GNAQ: variants seen among roughly 807,000 people sequenced by gnomAD.
GNAQ encodes guanine nucleotide-binding protein G(q) subunit alpha.
GNAQ carries 8 observed loss-of-function variants against 43.9 expected under a neutral mutation model. The ratio of observed to expected loss-of-function variants is 0.18; its 90% CI spans 0.11 to 0.33. GNAQ has a LOEUF of 0.33. GNAQ is among the 10% of genes least tolerant of loss of function. GNAQ has a pLI of 1.00. For missense variants in GNAQ, 158 were observed against 450.8 expected (o/e 0.35, Z 5.88); for synonymous variants, 155 against 170.7 (o/e 0.91, Z 0.71).
At chr9:77,966,686 G>A (rs1416569593) in intron 1 of GNAQ, among the ~76,000 whole-genome samples, 3 of 152,130 alleles carry the variant, frequency 2.0e-5, no homozygotes, top group South Asian at 4.1e-4. Flanking sequence ...TCAATGCTAA[G>A]ATACTCATGA....
intron 2 of GNAQ, among the ~76,000 whole-genome samples, chr9:77,908,098 T>C (rs11145614): frequency 0.36 from 55,456 of 152,046 alleles, 11,941 homozygotes; most frequent in Non-Finnish European, 0.47. Context: ...TTTTGGAGCA[T>C]ATTAAATGAA....
Position 77,721,143 on chromosome 9 carries a change from C to T in GNAQ, c.*180G>A, listed in dbSNP as rs1458486946. 4.0e-6 allele frequency: 2 copies of T among 505,310 alleles called. No homozygotes were observed. Among genetic ancestry groups the T allele is most frequent in the Non-Finnish European group, 6.9e-6 (2 of 287,892 alleles). The allele number at this position is 505,310 out of a possible 1,614,324, so 31.3% of individuals were successfully genotyped here. On this transcript the variant is annotated 3_prime_UTR_variant, in exon 7 of 7. Coordinates refer to ENST00000286548, the MANE Select transcript of GNAQ (RefSeq NM_002072.5). ...TGTACTTCAGCATCCTCTGTTTTTC[C>T]TCTGAATAGTTTAAATAAAATCATA...
chr9:77,728,244 C>T (rs1211106747), intron 6 of GNAQ, among the ~76,000 whole-genome samples: 7 of 152,200 alleles, frequency 4.6e-5, no homozygotes, highest in African/African-American at 4.8e-5. Context: ...CCGCCTGCCT[C>T]GGCCTCCCAA....
At chr9:77,816,793 CTA>C in intron 2 of GNAQ, among the ~76,000 whole-genome samples, 1 of 152,254 alleles carries the variant, frequency 6.6e-6, no homozygotes, top group South Asian at 2.1e-4. Context: ...CATGGCCAAA[CTA>C]TTCATTTCAC....
intron 2 of GNAQ, among the ~76,000 whole-genome samples, chr9:77,849,990 G>A (rs1026035975): frequency 5.3e-5 from 8 of 152,118 alleles, no homozygotes; most frequent in Non-Finnish European, 8.8e-5. Context: ...CTAAAACTAC[G>A]TTCTTCTGTG....
At chr9:77,931,152 T>C (rs992338779) in intron 1 of GNAQ, among the ~76,000 whole-genome samples, 1 of 148,178 alleles carries the variant, frequency 6.7e-6, no homozygotes, top group African/African-American at 2.5e-5. Flanking sequence ...AGAATGAATG[T>C]CATTGAGATG....
chr9:77,985,261 T>C (rs998633228), intron 1 of GNAQ, among the ~76,000 whole-genome samples: 1 of 152,120 alleles, frequency 6.6e-6, no homozygotes, highest in African/African-American at 2.4e-5. Flanking sequence ...TGCAGTGAGC[T>C]GAGATCTCGC....
At chr9:77,798,675 C>T (rs373391444) in intron 3 of GNAQ, among the ~76,000 whole-genome samples, 2 of 152,106 alleles carry the variant, frequency 1.3e-5, no homozygotes, top group Non-Finnish European at 2.9e-5. Context: ...ATAGTCCTCT[C>T]CTATAGTTTA....
At chr9:77,883,414 G>A (rs1313784297) in intron 2 of GNAQ, among the ~76,000 whole-genome samples, 1 of 151,694 alleles carries the variant, frequency 6.6e-6, no homozygotes, top group African/African-American at 2.4e-5. Context: ...TTTCTAGGTA[G>A]GCTGAGGAAC....
At chr9:77,931,795 C>A (rs913119814) in intron 1 of GNAQ, among the ~76,000 whole-genome samples, 1 of 152,172 alleles carries the variant, frequency 6.6e-6, no homozygotes, top group Non-Finnish European at 1.5e-5. Flanking sequence ...TCTGCAAATA[C>A]CACCACCTAG....
At chr9:78,020,771 T>C (rs1038442755) in intron 1 of GNAQ, among the ~76,000 whole-genome samples, 2 of 152,152 alleles carry the variant, frequency 1.3e-5, no homozygotes, top group Non-Finnish European at 2.9e-5. Context: ...GGACTCCCTA[T>C]TACTCTACTT....
intron 2 of GNAQ, among the ~76,000 whole-genome samples, chr9:77,836,453 T>C (rs986763627): frequency 1.3e-5 from 2 of 152,356 alleles, no homozygotes; most frequent in African/African-American, 4.8e-5. Flanking sequence ...CTTATTCGGT[T>C]TGAAATAATC....
intron 2 of GNAQ, among the ~76,000 whole-genome samples, chr9:77,836,132 G>A (rs1191589153): frequency 6.6e-6 from 1 of 152,064 alleles, no homozygotes; most frequent in South Asian, 2.1e-4. Flanking sequence ...GACATGGACT[G>A]GATGGAAGTC....
intron 1 of GNAQ, among the ~76,000 whole-genome samples, chr9:77,944,025 T>C (rs1829352288): frequency 6.6e-6 from 1 of 151,738 alleles, no homozygotes; most frequent in African/African-American, 2.4e-5. Context: ...AGAATACTGC[T>C]TTAGAAGAAC....
At chr9:77,864,091 C>T (rs1187091370) in intron 2 of GNAQ, among the ~76,000 whole-genome samples, 1 of 151,620 alleles carries the variant, frequency 6.6e-6, no homozygotes, top group African/African-American at 2.4e-5. Flanking sequence ...GCTGCTTCTG[C>T]TCAAGGCAGA....
chr9:77,898,157 C>T (rs1019199327), intron 2 of GNAQ, among the ~76,000 whole-genome samples: 8 of 152,146 alleles, frequency 5.3e-5, no homozygotes, highest in African/African-American at 1.9e-4. Flanking sequence ...GCTCTTCTCC[C>T]TCTTTCTCTA....
intron 2 of GNAQ, among the ~76,000 whole-genome samples, chr9:77,848,823 G>A (rs1293371765): frequency 6.6e-6 from 1 of 152,130 alleles, no homozygotes; most frequent in African/African-American, 2.4e-5. Context: ...GAAGTTCTTT[G>A]TTGGGGAAAA....
At chr9:77,810,681 A>G (rs1393172671) in intron 3 of GNAQ, among the ~76,000 whole-genome samples, 1 of 152,218 alleles carries the variant, frequency 6.6e-6, no homozygotes, top group African/African-American at 2.4e-5. Context: ...CATGGTCATT[A>G]AAATAGTAGA....
Position 77,996,086 on chromosome 9 carries a change from G to T in GNAQ, c.136+35014C>A, listed in dbSNP as rs1483325593. Among the ~76,000 whole-genome samples, 48 of 152,158 alleles carry T rather than the reference G, an allele frequency of 3.2e-4. 1 individual carries two copies. The highest frequency in any genetic ancestry group is 3.1e-3 in the Admixed American group (47 of 15,288). On this transcript the variant is annotated intron_variant, in intron 1 of 6. Coordinates refer to ENST00000286548, the MANE Select transcript of GNAQ (RefSeq NM_002072.5). ...CAGAATCAGGAACCCACACAAAACG[G>T]CACCATTCAGAGGAGCAGAGTACAC...
Sources: gnomAD v4.1 joint callset for allele counts (sites outside exome capture counted in the v4.1 genomes callset) on GRCh38, gnomAD v4.1.1 for gene constraint, MANE v1.5 for transcripts, NCBI Gene and HGNC (gene_info 2026-07-23, HGNC 2026-07-21) for gene names.